The following TTC27 variants were observed in gnomAD, a reference collection of about 807,000 sequenced individuals.
The protein encoded by TTC27 is tetratricopeptide repeat protein 27.
In TTC27, 79 loss-of-function variants were observed where a neutral mutation model predicts 115.9. The ratio of observed to expected loss-of-function variants is 0.68; its 90% CI spans 0.57 to 0.82. TTC27 has a LOEUF of 0.82. Ranked by LOEUF, TTC27 falls within the 40% of genes least tolerant of loss-of-function variation. TTC27 has a pLI of 0.00. For synonymous variants in TTC27, 401 were observed against 356.0 expected, an observed-to-expected ratio of 1.13 and a Z score of -1.42; for missense variants, 1,054 against 993.1, an observed-to-expected ratio of 1.06 and a Z score of -0.82.
At chr2:32,697,583 T>C (rs951284743) in intron 9 of TTC27, among the ~76,000 whole-genome samples, 20 of 152,188 alleles carry the variant, frequency 1.3e-4, no homozygotes, top group African/African-American at 3.1e-4. Context: ...AAGATGAACT[T>C]ATTTTCCCTT....
chr2:32,705,213 C>T (rs978337346), intron 10 of TTC27, among the ~76,000 whole-genome samples: 5 of 152,146 alleles, frequency 3.3e-5, no homozygotes, highest in African/African-American at 1.2e-4. Flanking sequence ...TGTTTCCTTT[C>T]TTGCCATGTG....
At chr2:32,668,810 T>G (rs1665897174) in intron 7 of TTC27, among the ~76,000 whole-genome samples, 1 of 150,794 alleles carries the variant, frequency 6.6e-6, no homozygotes, top group Non-Finnish European at 1.5e-5. Context: ...CTGGGCGTGG[T>G]GGCTCACGCC....
At chr2:32,767,443 G>GTTTTTTTTTT (rs150586627) in intron 13 of TTC27, among the ~76,000 whole-genome samples, 3 of 112,232 alleles carry the variant, frequency 2.7e-5, no homozygotes, top group African/African-American at 6.5e-5. Flanking sequence ...ATATTTATAA[G>GTTTTTTTTTT]TTTTTTTTTG....
At chr2:32,645,856 A>G (rs1314340322) in intron 4 of TTC27, among the ~76,000 whole-genome samples, 1 of 151,614 alleles carries the variant, frequency 6.6e-6, no homozygotes, top group Non-Finnish European at 1.5e-5. Context: ...AGCTGGGACT[A>G]CAGGTATGCA....
intron 12 of TTC27, among the ~76,000 whole-genome samples, chr2:32,738,652 A>G (rs1015232930): frequency 7.2e-5 from 11 of 152,216 alleles, no homozygotes; most frequent in African/African-American, 2.7e-4. Context: ...CTTCAAAAGG[A>G]TTTCATTATG....
intron 5 of TTC27, among the ~76,000 whole-genome samples, chr2:32,652,432 A>G (rs566787802): frequency 1.3e-5 from 2 of 152,222 alleles, no homozygotes; most frequent in East Asian, 1.9e-4. Context: ...ACCATATGGT[A>G]TATTTTGGAG....
chr2:32,734,030 C>T (rs1668378024), intron 11 of TTC27, 107 bp downstream of exon 11: 7 of 763,900 alleles, frequency 9.2e-6, no homozygotes, highest in Non-Finnish European at 1.2e-5. Context: ...AAATATTTTG[C>T]TAAAGATAAT....
chr2:32,753,678 C>A (rs1286269921), intron 12 of TTC27, among the ~76,000 whole-genome samples: 1 of 152,032 alleles, frequency 6.6e-6, no homozygotes, highest in Non-Finnish European at 1.5e-5. Context: ...AACTCCTGGC[C>A]TCAAGTGATC....
intron 12 of TTC27, among the ~76,000 whole-genome samples, chr2:32,754,399 G>A (rs906109066): frequency 6.7e-5 from 10 of 149,104 alleles, no homozygotes; most frequent in Non-Finnish European, 1.0e-4. Context: ...ATCTTGCACC[G>A]CCCTTAATCC....
intron 9 of TTC27, among the ~76,000 whole-genome samples, chr2:32,688,701 A>G (rs958860513): frequency 6.6e-6 from 1 of 151,754 alleles, no homozygotes; most frequent in African/African-American, 2.4e-5. Flanking sequence ...AATTAAAACC[A>G]CAACAAGATA....
intron 4 of TTC27, among the ~76,000 whole-genome samples, chr2:32,640,951 C>T (rs906118196): frequency 6.6e-6 from 1 of 152,090 alleles, no homozygotes; most frequent in African/African-American, 2.4e-5. Context: ...CATTGCACTC[C>T]AGCCTGGGCA....
chr2:32,728,987 A>G (rs1668202849), intron 10 of TTC27, among the ~76,000 whole-genome samples: 1 of 87,120 alleles, frequency 1.1e-5, no homozygotes, highest in African/African-American at 4.2e-5. Flanking sequence ...AATAAATTCC[A>G]TCTTCCTATA....
At chr2:32,736,857 C>A in intron 12 of TTC27, 41 bp downstream of exon 12, 1 of 1,599,804 alleles carries the variant, frequency 6.3e-7, no homozygotes, top group Non-Finnish European at 8.5e-7. Flanking sequence ...GAGAGCCTTC[C>A]CTCTGGGAGC....
intron 5 of TTC27, among the ~76,000 whole-genome samples, chr2:32,650,928 G>A (rs1420436044): frequency 1.3e-5 from 2 of 152,042 alleles, no homozygotes; most frequent in African/African-American, 4.8e-5. Flanking sequence ...GAAAGACTTT[G>A]GAAAAGAGGA....
intron 5 of TTC27, among the ~76,000 whole-genome samples, chr2:32,658,867 T>C (rs1175680426): frequency 6.6e-6 from 1 of 152,270 alleles, no homozygotes; most frequent in African/African-American, 2.4e-5. Context: ...CTTAGATATT[T>C]AGTGAAATAA....
intron 6 of TTC27, among the ~76,000 whole-genome samples, chr2:32,665,373 T>C (rs1330415330): frequency 1.3e-5 from 2 of 152,220 alleles, no homozygotes; most frequent in African/African-American, 2.4e-5. Context: ...GTATGTAATG[T>C]ATCTTGTGAG....
chr2:32,641,785 T>C (rs1199670015), intron 4 of TTC27, among the ~76,000 whole-genome samples: 2 of 152,218 alleles, frequency 1.3e-5, no homozygotes, highest in African/African-American at 4.8e-5. Flanking sequence ...TTCAAGCAAT[T>C]CTTCTGCCTC....
intron 14 of TTC27, among the ~76,000 whole-genome samples, chr2:32,781,370 C>T (rs934335587): frequency 2.0e-5 from 3 of 152,128 alleles, no homozygotes; most frequent in Non-Finnish European, 4.4e-5. Context: ...TTCTTATTAA[C>T]TGATATTTTT....
intron 5 of TTC27, among the ~76,000 whole-genome samples, chr2:32,651,285 A>G (rs1354976143): frequency 6.6e-6 from 1 of 152,178 alleles, no homozygotes; most frequent in African/African-American, 2.4e-5. Context: ...AAGGTATAAC[A>G]TAACTCTCAT....
Sources: allele counts gnomAD v4.1 joint callset (sites outside exome capture counted in the v4.1 genomes callset), GRCh38; gene constraint gnomAD v4.1.1; transcripts MANE v1.5; gene names NCBI Gene and HGNC (gene_info 2026-07-23, HGNC 2026-07-21).